CDH13: variants seen among roughly 807,000 people sequenced by gnomAD.
CDH13 encodes cadherin-13.
CDH13 carries 24 observed loss-of-function variants against 63.8 expected under a neutral mutation model. The ratio of observed to expected loss-of-function variants is 0.38; its 90% CI spans 0.27 to 0.53. CDH13 has a LOEUF of 0.53. CDH13 is among the 20% of genes least tolerant of loss of function. The pLI, the probability that CDH13 is intolerant of heterozygous loss-of-function variation, is 0.85. For missense variants in CDH13, 1,049 were observed against 903.1 expected (o/e 1.16, Z -2.07); for synonymous variants, 503 against 355.3 (o/e 1.42, Z -4.67).
chr16:83,510,977 AAAG>A (rs1598189127), intron 7 of CDH13, among the ~76,000 whole-genome samples: 1 of 152,364 alleles, frequency 6.6e-6, no homozygotes, highest in South Asian at 2.1e-4. Flanking sequence ...AAGGACATCT[AAAG>A]AAGAACTGCA....
chr16:82,783,443 A>C (rs1391082155), intron 1 of CDH13, among the ~76,000 whole-genome samples: 1 of 152,158 alleles, frequency 6.6e-6, no homozygotes, highest in Non-Finnish European at 1.5e-5. Context: ...CCTGCCTTCC[A>C]CTCAGCTTGA....
chr16:83,305,483 T>C (rs1365267680), intron 5 of CDH13, among the ~76,000 whole-genome samples: 2 of 152,220 alleles, frequency 1.3e-5, no homozygotes, highest in African/African-American at 2.4e-5. Context: ...AATATGTATA[T>C]GTCATGGCAC....
intron 8 of CDH13, among the ~76,000 whole-genome samples, chr16:83,626,796 T>C (rs2150786446): frequency 6.6e-6 from 1 of 152,224 alleles, no homozygotes; most frequent in East Asian, 1.9e-4. Flanking sequence ...CTACTTTTAC[T>C]GAATTTAGTC....
chr16:83,290,668 A>G (rs2089444370), intron 5 of CDH13, among the ~76,000 whole-genome samples: 1 of 152,174 alleles, frequency 6.6e-6, no homozygotes, highest in Non-Finnish European at 1.5e-5. Context: ...TGACTTCTAC[A>G]CAGTGTGAAT....
chr16:83,266,039 C>G (rs577315620), intron 5 of CDH13, among the ~76,000 whole-genome samples: 1 of 152,194 alleles, frequency 6.6e-6, no homozygotes, highest in Non-Finnish European at 1.5e-5. Flanking sequence ...CAGCTTCAAG[C>G]GATTCTCCTG....
intron 1 of CDH13, among the ~76,000 whole-genome samples, chr16:82,678,319 C>CTTTT (rs11369498): frequency 0.16 from 22,949 of 144,378 alleles, 2,175 homozygotes; most frequent in East Asian, 0.38. Context: ...ACAGAAAAAA[C>CTTTT]TTTTTTTTTT....
chr16:83,508,719 AT>A (rs1479790605), intron 7 of CDH13, among the ~76,000 whole-genome samples: 6 of 152,118 alleles, frequency 3.9e-5, no homozygotes, highest in African/African-American at 1.4e-4. Context: ...ACTCTTTTAC[AT>A]ATTCTGTCTC....
At chr16:83,702,398 A>G (rs746541389) in intron 10 of CDH13, among the ~76,000 whole-genome samples, 47 of 152,248 alleles carry the variant, frequency 3.1e-4, no homozygotes, top group Non-Finnish European at 6.0e-4. Context: ...ACGTTCAGAG[A>G]TCCTTGGCAC....
In CDH13 at chr16:83,799,609, C is replaced by G. The variant is rs1048140839; in HGVS notation, c.*4579C>G. 1 of 152,102 alleles carries G rather than the reference C, an allele frequency of 6.6e-6. No individual in the cohort carries two copies. The highest frequency in any genetic ancestry group is 2.4e-5 in the African/African-American group (1 of 41,406). 9.4% of individuals were successfully genotyped at this position (152,102 alleles called of 1,614,324 possible). A position where few individuals can be genotyped will look rare whatever the true frequency, so the allele number is the denominator to read the frequency against. The stretch of plus-strand genomic sequence containing the variant: ...AAAAGCCACCTACCTTTTCTGTTTA[C>G]CAAATACTAAGAATAATAATCTAAT... On this transcript the variant is annotated 3_prime_UTR_variant, in exon 14 of 14. Transcript: ENST00000567109.
chr16:82,947,004 CTGTGTGTGTGTGTG>C (rs3223223), intron 2 of CDH13, among the ~76,000 whole-genome samples: 15 of 135,008 alleles, frequency 1.1e-4, no homozygotes, highest in Admixed American at 3.6e-4. Context: ...GTGCGCACGC[CTGTGTGTGTGTGTG>C]TGTGTGTGTG....
intron 7 of CDH13, among the ~76,000 whole-genome samples, chr16:83,556,354 G>C (rs1027005728): frequency 2.6e-5 from 4 of 152,290 alleles, no homozygotes; most frequent in African/African-American, 9.6e-5. Flanking sequence ...GGCAAATACT[G>C]GTTAAATGCC....
chr16:83,723,544 A>G (rs374476), intron 10 of CDH13, among the ~76,000 whole-genome samples: 19,143 of 152,058 alleles, frequency 0.13, 1,384 homozygotes, highest in Middle Eastern at 0.2. Context: ...TCTCACTATC[A>G]TCTCCTTTGC....
At chr16:82,647,325 G>C (rs1047224605) in intron 1 of CDH13, among the ~76,000 whole-genome samples, 1 of 152,208 alleles carries the variant, frequency 6.6e-6, no homozygotes, top group Non-Finnish European at 1.5e-5. Context: ...CCATGGTTGT[G>C]AGTGACTTGG....
intron 10 of CDH13, among the ~76,000 whole-genome samples, chr16:83,684,470 C>T (rs988949965): frequency 5.3e-5 from 8 of 152,146 alleles, no homozygotes; most frequent in Admixed American, 2.0e-4. Context: ...TGGGAACTAA[C>T]GCTTCCATCA....
chr16:83,705,991 G>C (rs955039509), intron 10 of CDH13, among the ~76,000 whole-genome samples: 1 of 152,148 alleles, frequency 6.6e-6, no homozygotes, highest in Non-Finnish European at 1.5e-5. Flanking sequence ...TTAGTGACTG[G>C]AAACAACATC....
intron 11 of CDH13, among the ~76,000 whole-genome samples, chr16:83,760,417 G>A (rs1219077487): frequency 1.3e-5 from 2 of 152,150 alleles, no homozygotes; most frequent in African/African-American, 4.8e-5. Flanking sequence ...CTATTCATAA[G>A]AGCCCAAAGT....
chr16:82,890,078 A>G (rs1344554636), intron 2 of CDH13, among the ~76,000 whole-genome samples: 1 of 152,222 alleles, frequency 6.6e-6, no homozygotes. Flanking sequence ...TAGCATTTTC[A>G]TATGTTTCAG....
intron 10 of CDH13, among the ~76,000 whole-genome samples, chr16:83,737,611 C>A (rs746747817): frequency 2.0e-5 from 3 of 152,156 alleles, no homozygotes; most frequent in Non-Finnish European, 2.9e-5. Context: ...GACCTGGTTT[C>A]CACCTCAGAG....
intron 2 of CDH13, among the ~76,000 whole-genome samples, chr16:82,927,500 G>C (rs557654845): frequency 3.3e-5 from 5 of 152,172 alleles, no homozygotes; most frequent in African/African-American, 9.7e-5. Flanking sequence ...GTATTTAGAA[G>C]ACCCAAAACA....
Sources: gnomAD v4.1 joint callset for allele counts (sites outside exome capture counted in the v4.1 genomes callset) on GRCh38, gnomAD v4.1.1 for gene constraint, MANE v1.5 for transcripts, NCBI Gene and HGNC (gene_info 2026-07-23, HGNC 2026-07-21) for gene names.